Variants in SPRR2B observed in about 807,000 individuals in gnomAD.
SPRR2B encodes small proline rich protein 2B.
A neutral mutation model predicts 1.0 loss-of-function variants in SPRR2B; 1 was observed. The observed-to-expected ratio is 1.01, with a 90% CI of 0.36 to 4.77. The LOEUF (loss-of-function observed/expected upper bound fraction) is 4.77. Among genes scored for constraint, SPRR2B ranks in the 30% most tolerant of loss-of-function variants. The pLI, the probability that SPRR2B is intolerant of heterozygous loss-of-function variation, is 0.16. For missense variants in SPRR2B, 53 were observed against 88.7 expected (o/e 0.60, Z 1.62); for synonymous variants, 27 against 33.4 (o/e 0.81, Z 0.66).
chr1:153,082,509 G>T, the SPRR2B span, among the ~76,000 whole-genome samples: 1 of 152,062 alleles, frequency 6.6e-6, no homozygotes, highest in South Asian at 2.1e-4. Flanking sequence ...TCATACAATG[G>T]ACCTTTCCAA....
upstream of SPRR2B, among the ~76,000 whole-genome samples, chr1:153,071,978 C>G (rs960107667): frequency 1.4e-4 from 21 of 152,204 alleles, no homozygotes; most frequent in African/African-American, 5.1e-4. Context: ...CCCCTTCTTT[C>G]CTCGTACAAT....
chr1:153,079,747 A>G, the SPRR2B span, among the ~76,000 whole-genome samples: 1 of 152,122 alleles, frequency 6.6e-6, no homozygotes, highest in African/African-American at 2.4e-5. Flanking sequence ...TACCAGTACC[A>G]TGCTGTTTTG....
upstream of SPRR2B, among the ~76,000 whole-genome samples, chr1:153,075,551 G>C (rs1237466820): frequency 1.3e-5 from 2 of 152,006 alleles, no homozygotes; most frequent in Non-Finnish European, 2.9e-5. Context: ...ATAGAACAAA[G>C]TGATAATAAT....
chr1:153,083,314 T>C, the SPRR2B span, among the ~76,000 whole-genome samples: 3 of 152,232 alleles, frequency 2.0e-5, no homozygotes, highest in Non-Finnish European at 4.4e-5. Context: ...GACTACTTCC[T>C]GTCTTATTCC....
chr1:153,077,460 GC>G, the SPRR2B span, among the ~76,000 whole-genome samples: 3 of 152,058 alleles, frequency 2.0e-5, no homozygotes, highest in African/African-American at 7.2e-5. Flanking sequence ...TGAAATTTTA[GC>G]TTGTAACTTC....
chr1:153,084,712 A>T, the SPRR2B span, among the ~76,000 whole-genome samples: 11 of 152,130 alleles, frequency 7.2e-5, no homozygotes, highest in Non-Finnish European at 2.9e-5. Context: ...ACTGCTCTTG[A>T]CACATACAAA....
chr1:153,078,585 T>C, the SPRR2B span, among the ~76,000 whole-genome samples: 1 of 148,566 alleles, frequency 6.7e-6, no homozygotes, highest in African/African-American at 2.5e-5. Flanking sequence ...CATTGTTCAA[T>C]TCCCACCTAT....
chr1:153,072,102 A>T (rs1408259722), upstream of SPRR2B, among the ~76,000 whole-genome samples: 2 of 152,270 alleles, frequency 1.3e-5, no homozygotes, highest in Admixed American at 6.5e-5. Flanking sequence ...GAGAAGCATC[A>T]TATCTACCTC....
At chr1:153,085,595 T>G in the SPRR2B span, among the ~76,000 whole-genome samples, 2 of 152,204 alleles carry the variant, frequency 1.3e-5, no homozygotes, top group Non-Finnish European at 2.9e-5. Flanking sequence ...GTAACCAACT[T>G]GAAATGTATT....
the SPRR2B span, among the ~76,000 whole-genome samples, chr1:153,082,681 T>C: frequency 3.3e-5 from 5 of 151,958 alleles, no homozygotes; most frequent in South Asian, 1.0e-3. Context: ...AAACACATCA[T>C]ACCAAACTTA....
chr1:153,077,711 G>A, the SPRR2B span, among the ~76,000 whole-genome samples: 2 of 151,838 alleles, frequency 1.3e-5, no homozygotes, highest in East Asian at 1.9e-4. Flanking sequence ...CTGCCTCTGG[G>A]CTCAAGCTAT....
the SPRR2B span, among the ~76,000 whole-genome samples, chr1:153,081,786 A>G: frequency 6.6e-6 from 1 of 151,570 alleles, no homozygotes; most frequent in Non-Finnish European, 1.5e-5. Flanking sequence ...TAAAAACAGG[A>G]TAAGGTTGTA....
Position 153,070,897 on chromosome 1 carries a change from T to A in SPRR2B, c.-19-39A>T, listed in dbSNP as rs1208568441. ...TACAACAGTGTTCGTGGGAAGGGAA[T>A]CCTCCAGAGAGAGAAGCCAAAGCTT... is the stretch of plus-strand genomic sequence containing the variant. On this transcript the variant is annotated intron_variant, in intron 1 of 1. Transcript: ENST00000368755. 3 of 1,242,158 alleles carry A rather than the reference T, an allele frequency of 2.4e-6. No homozygotes were observed. In the African/African-American group the frequency reaches 4.4e-5, roughly 18 times the overall value. The allele number at this position is 1,242,158 out of a possible 1,614,324, so 76.9% of individuals were successfully genotyped here. A position where few individuals can be genotyped will look rare whatever the true frequency, so the allele number is the denominator to read the frequency against.
chr1:153,079,852 T>G, the SPRR2B span, among the ~76,000 whole-genome samples: 1 of 152,106 alleles, frequency 6.6e-6, no homozygotes, highest in African/African-American at 2.4e-5. Context: ...ATGCGGGCTC[T>G]TTTTTGGTTC....
the SPRR2B span, among the ~76,000 whole-genome samples, chr1:153,084,596 C>T: frequency 2.0e-5 from 3 of 152,184 alleles, no homozygotes; most frequent in Admixed American, 6.5e-5. Flanking sequence ...TGCCCTCAAG[C>T]CACATTGCCT....
chr1:153,083,187 A>G, the SPRR2B span, among the ~76,000 whole-genome samples: 3 of 152,226 alleles, frequency 2.0e-5, no homozygotes, highest in Non-Finnish European at 4.4e-5. Flanking sequence ...AAGTAAGGAA[A>G]TTGAATCACT....
chr1:153,083,783 C>G, the SPRR2B span, among the ~76,000 whole-genome samples: 6 of 152,308 alleles, frequency 3.9e-5, no homozygotes, highest in Middle Eastern at 3.4e-3. Flanking sequence ...AGTTGGCAGG[C>G]AGAACTGCTT....
chr1:153,085,466 C>A, the SPRR2B span, among the ~76,000 whole-genome samples: 1 of 152,016 alleles, frequency 6.6e-6, no homozygotes, highest in East Asian at 1.9e-4. Flanking sequence ...ATAAGACAGC[C>A]AGACAAGAAA....
chr1:153,071,922 T>C (rs1403007183), upstream of SPRR2B, among the ~76,000 whole-genome samples: 2 of 152,192 alleles, frequency 1.3e-5, no homozygotes, highest in African/African-American at 4.8e-5. Flanking sequence ...CCTGCCCCGA[T>C]CCACTTTAGC....
Sources: allele counts gnomAD v4.1 joint callset (sites outside exome capture counted in the v4.1 genomes callset), GRCh38; gene constraint gnomAD v4.1.1; transcripts MANE v1.5; gene names NCBI Gene and HGNC (gene_info 2026-07-23, HGNC 2026-07-21).